Variants in ZNF679 observed in about 807,000 individuals in gnomAD.
ZNF679 encodes zinc finger protein 679, also known as hypothetical protein MGC42415.
A neutral mutation model predicts 13.4 loss-of-function variants in ZNF679; 10 were observed. That is an observed-to-expected ratio of 0.75 (90% CI 0.46 to 1.27). The LOEUF is 1.27. Among genes scored for constraint, ZNF679 ranks in the 50% most tolerant of loss-of-function variants. The pLI, the probability that ZNF679 is intolerant of heterozygous loss-of-function variation, is 0.00. For synonymous variants in ZNF679, 179 were observed against 162.5 expected (o/e 1.10, Z -0.77); for missense variants, 525 against 477.8 (o/e 1.10, Z -0.92).
intron 4 of ZNF679, 40 bp from the exon 5 acceptor site, chr7:64,265,856 T>C (rs765789596): frequency 6.3e-7 from 1 of 1,589,430 alleles, no homozygotes; most frequent in African/African-American, 1.4e-5. Context: ...TCTATCTGGG[T>C]GTAGTAAGTG....
chr7:64,249,052 T>C lies in ZNF679; in HGVS notation c.-66T>C. ...GAGCTCCAGTTCTTCTCTTCACTGCTCTGCGTCCTCTGTTCCTAGAGGCCA... is the reference window on the plus strand; with the variant it reads ...GAGCTCCAGTTCTTCTCTTCACTGCCCTGCGTCCTCTGTTCCTAGAGGCCA... On this transcript the variant is annotated 5_prime_UTR_variant, in exon 2 of 5. Transcript: ENST00000421025. The C allele has an allele frequency of 6.2e-7, 1 of 1,609,830 alleles. No individual in the cohort carries two copies. The highest frequency in any genetic ancestry group is 1.7e-5 in the Admixed American group (1 of 59,298).
chr7:64,235,005 T>A (rs776395868), intron 1 of ZNF679, among the ~76,000 whole-genome samples: 6 of 152,120 alleles, frequency 3.9e-5, no homozygotes, highest in African/African-American at 7.2e-5. Flanking sequence ...GCCTGGCTAA[T>A]TTTTGTATTT....
At chr7:64,236,898 A>G (rs1284263815) in intron 1 of ZNF679, among the ~76,000 whole-genome samples, 2 of 143,606 alleles carry the variant, frequency 1.4e-5, no homozygotes, top group African/African-American at 5.0e-5. Context: ...GAAAAAAAGA[A>G]AAAGAAAAAA....
In ZNF679 at chr7:64,260,839, G is replaced by A. The variant is rs1252867038; in HGVS notation, c.172G>A (p.Ala58Thr). Residue 58 changes from alanine (A) to threonine (T), a missense_variant, in exon 4 of 5, where the codon GCT becomes ACT. Ala to Thr is a moderately conservative substitution (Grantham distance 58). Coordinates refer to ENST00000421025, the MANE Select transcript of ZNF679 (RefSeq NM_153363.3). ...NYRNLVSLGI[A>T]VSKPDLITCL... ...TTTTTTTCTTAATAAAACAGGTATT[G>A]CTGTCTCTAAGCCAGACTTGATCAC... is the stretch of plus-strand genomic sequence containing the variant. 6.2e-7 allele frequency: 1 copy of A among 1,603,066 alleles called. No individual in the cohort carries two copies. The highest frequency in any genetic ancestry group is 1.3e-5 in the African/African-American group (1 of 74,146).
intron 2 of ZNF679, among the ~76,000 whole-genome samples, chr7:64,253,469 A>G (rs1238536402): frequency 6.6e-6 from 1 of 152,212 alleles, no homozygotes. Context: ...AACAGAGCCC[A>G]GGAAAGCTGG....
chr7:64,247,970 G>A (rs1004552140), intron 1 of ZNF679, among the ~76,000 whole-genome samples: 2 of 152,122 alleles, frequency 1.3e-5, no homozygotes, highest in Middle Eastern at 3.4e-3. Flanking sequence ...CTGCCTGCAT[G>A]TATTAGTCCA....
chr7:64,265,746 C>T, intron 4 of ZNF679, 150 bp from the exon 5 acceptor site: 2 of 867,036 alleles, frequency 2.3e-6, no homozygotes, highest in South Asian at 1.9e-5. Context: ...GTTTTTGTTA[C>T]ATTTATACAC....
intron 1 of ZNF679, among the ~76,000 whole-genome samples, chr7:64,240,172 G>A (rs1787778760): frequency 6.6e-6 from 1 of 152,182 alleles, no homozygotes. Context: ...TGCTCTCAGA[G>A]AGGATTTTCA....
At chr7:64,236,943 A>G (rs1056282391) in intron 1 of ZNF679, among the ~76,000 whole-genome samples, 4 of 47,512 alleles carry the variant, frequency 8.4e-5, no homozygotes, top group African/African-American at 4.5e-4. Flanking sequence ...GAAAGAAAGA[A>G]AGAAAGAAAG....
Position 64,249,157 on chromosome 7 carries a change from G to A in ZNF679, c.39+1G>A. On this transcript the variant is annotated splice_donor_variant, in intron 2 of 4. Transcript: ENST00000421025. LOFTEE classifies it high-confidence loss of function. ...GGGATCCCCTGGAAGCCGAGAAATG[G>A]TGAGTGCTGGGTCTGTCACCGTGAG... The A allele has an allele frequency of 1.2e-6, 2 of 1,614,166 alleles. No homozygotes were observed. The highest frequency in any genetic ancestry group is 1.1e-5 in the South Asian group (1 of 91,078).
At chr7:64,251,469 A>G (rs1562844716) in intron 2 of ZNF679, among the ~76,000 whole-genome samples, 1 of 152,058 alleles carries the variant, frequency 6.6e-6, no homozygotes, top group Non-Finnish European at 1.5e-5. Flanking sequence ...AAAAGAAAAG[A>G]AGAGAAAAGG....
Position 64,266,176 on chromosome 7 carries a change from G to T in ZNF679, c.543G>T (p.Lys181Asn), listed in dbSNP as rs2115625840. 1.3e-6 allele frequency: 2 copies of T among 1,595,918 alleles called. No homozygotes were observed. Among genetic ancestry groups the T allele is most frequent in the Admixed American group, 3.5e-5 (2 of 56,824 alleles). ...SNRHKTRHTGKKHFKCKKYGK... is the reference protein window; with the variant it reads ...SNRHKTRHTGNKHFKCKKYGK... ...GACATAAGACAAGACATACTGGAAAGAAACATTTCAAATGTAAAAAATATG... is the reference window on the plus strand; with the variant it reads ...GACATAAGACAAGACATACTGGAAATAAACATTTCAAATGTAAAAAATATG... Residue 181 changes from lysine to asparagine, a missense_variant, in exon 5 of 5, where the codon AAG becomes AAT. Transcript: ENST00000421025.
At chr7:64,236,000 C>T (rs1038934183) in intron 1 of ZNF679, among the ~76,000 whole-genome samples, 2 of 152,084 alleles carry the variant, frequency 1.3e-5, no homozygotes, top group African/African-American at 4.8e-5. Context: ...GGCGTGGTGC[C>T]TCACGCCTGT....
chr7:64,236,949 G>GAAAGAAAGAAAGAAAGAAAGAAAGAA (rs1562840291), intron 1 of ZNF679, among the ~76,000 whole-genome samples: 1 of 88,826 alleles, frequency 1.1e-5, no homozygotes, highest in African/African-American at 6.0e-5. Context: ...AAGAAAGAAA[G>GAAAGAAAGAAAGAAAGAAAGAAAGAA]AAAGAAAGAA....
rs537979687 is a variant in ZNF679, at chr7:64,235,240, A to C, written c.-91+6588A>C. Reference sequence around the variant, plus strand: ...TGGATAGTAAACAACATGTTCCTGAACAACCCATGGGCCAAAGAGAAAAAC... The same window carrying C: ...TGGATAGTAAACAACATGTTCCTGACCAACCCATGGGCCAAAGAGAAAAAC... On this transcript the variant is annotated intron_variant, in intron 1 of 4. Transcript: ENST00000421025. Among the ~76,000 whole-genome samples the C allele has an allele frequency of 2.0e-5, 3 of 152,218 alleles. No individual in the cohort carries two copies. In the East Asian group the frequency reaches 5.8e-4, roughly 29 times the overall value.
At position 64,260,864 on chromosome 7, in the gene ZNF679, C is replaced by A. The variant is rs1419565435; in HGVS notation, c.197C>A (p.Thr66Asn). Residue 66 changes from threonine to asparagine, a missense_variant, in exon 4 of 5, where the codon ACC becomes AAC. Transcript: ENST00000421025. ...GIAVSKPDLI[T>N]CLEQNKEPWN... The stretch of plus-strand genomic sequence containing the variant: ...GCTGTCTCTAAGCCAGACTTGATCA[C>A]CTGTCTGGAGCAAAATAAAGAGCCT... 1 of 1,610,848 alleles carries A rather than the reference C, an allele frequency of 6.2e-7. No individual in the cohort carries two copies.
Position 64,260,312 on chromosome 7 carries a change from T to G in ZNF679, c.131T>G (p.Val44Gly), listed in dbSNP as rs1343451060. The G allele has an allele frequency of 6.2e-7, 1 of 1,612,484 alleles. No homozygotes were observed. Among genetic ancestry groups the G allele is most frequent in the Non-Finnish European group, 8.5e-7 (1 of 1,179,564 alleles). Residue 44 changes from valine (V) to glycine (G), a missense_variant, in exon 3 of 5, where the codon GTG becomes GGG. Coordinates refer to ENST00000421025, the MANE Select transcript of ZNF679 (RefSeq NM_153363.3). ...DHAQQNLYRDVMLENYRNLVS... is the reference protein window; with the variant it reads ...DHAQQNLYRDGMLENYRNLVS... ...GCTCAGCAGAATTTATATAGAGATG[T>G]GATGTTAGAGAACTACAGAAACCTG...
At chr7:64,245,442 A>G (rs1467949716) in intron 1 of ZNF679, among the ~76,000 whole-genome samples, 4 of 148,814 alleles carry the variant, frequency 2.7e-5, no homozygotes, top group Admixed American at 6.7e-5. Context: ...AGAGAGAGAG[A>G]GGGAGAGAGA....
intron 2 of ZNF679, among the ~76,000 whole-genome samples, chr7:64,250,786 G>A (rs941089023): frequency 1.2e-4 from 18 of 151,534 alleles, no homozygotes; most frequent in African/African-American, 3.6e-4. Flanking sequence ...ATGGGGTTTC[G>A]CCATGTTGGC....
Sources: gnomAD v4.1 joint callset for allele counts (sites outside exome capture counted in the v4.1 genomes callset) on GRCh38, gnomAD v4.1.1 for gene constraint, MANE v1.5 for transcripts, NCBI Gene and HGNC (gene_info 2026-07-23, HGNC 2026-07-21) for gene names.